The following SH2D4A variants were observed in gnomAD, a reference collection of about 807,000 sequenced individuals.
SH2D4A encodes the protein SH2 domain containing 4A.
In SH2D4A, 70 loss-of-function variants were observed where a neutral mutation model predicts 64.7. The ratio of observed to expected loss-of-function variants is 1.08; its 90% CI spans 0.89 to 1.32. The LOEUF (loss-of-function observed/expected upper bound fraction) is 1.32. Among genes scored for constraint, SH2D4A ranks in the 40% most tolerant of loss-of-function variants. The probability of loss-of-function intolerance (pLI) is 0.00; values close to 1 mark genes in which losing one functional copy is unlikely to be tolerated. For synonymous variants in SH2D4A, 268 were observed against 200.7 expected, an observed-to-expected ratio of 1.34 and a Z score of -2.83; for missense variants, 706 against 540.1, an observed-to-expected ratio of 1.31 and a Z score of -3.04.
At chr8:19,318,013 GTC>G (rs1160840679) in intron 1 of SH2D4A, among the ~76,000 whole-genome samples, 1 of 151,962 alleles carries the variant, frequency 6.6e-6, no homozygotes, top group East Asian at 1.9e-4. Context: ...GCGATCTCCT[GTC>G]TCAGCCTCTT....
At chr8:19,389,825 G>C (rs1034427138) in intron 8 of SH2D4A, among the ~76,000 whole-genome samples, 1 of 152,216 alleles carries the variant, frequency 6.6e-6, no homozygotes, top group Non-Finnish European at 1.5e-5. Context: ...AGTGAGCTGA[G>C]ATTGTGCCAC....
chr8:19,348,904 C>T (rs1473010671), intron 4 of SH2D4A, among the ~76,000 whole-genome samples: 2 of 152,106 alleles, frequency 1.3e-5, no homozygotes, highest in African/African-American at 4.8e-5. Flanking sequence ...GTGGCATTGC[C>T]TGGTTCTGAC....
chr8:19,323,236 T>C (rs1046211545), intron 2 of SH2D4A, among the ~76,000 whole-genome samples: 3 of 152,078 alleles, frequency 2.0e-5, no homozygotes, highest in African/African-American at 7.2e-5. Context: ...AGGTGTGCTA[T>C]ACATGTAAAC....
intron 1 of SH2D4A, 115 bp downstream of exon 1, chr8:19,313,938 G>C (rs561269802): frequency 5.5e-6 from 7 of 1,282,588 alleles, no homozygotes; most frequent in African/African-American, 3.1e-5. Context: ...GGGCCAGAGC[G>C]GGCGGGCGGA....
chr8:19,350,892 A>G (rs1286279460), intron 4 of SH2D4A, among the ~76,000 whole-genome samples: 1 of 152,184 alleles, frequency 6.6e-6, no homozygotes, highest in Non-Finnish European at 1.5e-5. Flanking sequence ...GCTTGGAACA[A>G]TATTAGAAAA....
rs578057213 is a variant in SH2D4A at position 19,360,309 on chromosome 8, T to TC, written c.595-894_595-893insC. Among the ~76,000 whole-genome samples, 1,276 of 151,878 alleles carry TC rather than the reference T, an allele frequency of 8.4e-3. 12 individuals carry two copies. The highest frequency in any genetic ancestry group is 0.029 in the African/African-American group (1,205 of 41,408). ...AATATTTTTCTGTTTTTTTTTTTTT[T>TC]TGAAACAAAAAAATACATATTCTGG... On this transcript the variant is annotated intron_variant, in intron 5 of 9. Transcript: ENST00000265807.
chr8:19,361,327 A>C lies in SH2D4A; in HGVS notation c.706+13A>C. On this transcript the variant is annotated intron_variant, in intron 6 of 9. Transcript: ENST00000265807. ...TGGCAGGCATCTCGTGAGTACCCAGAGGTCTCCATAGCACCTTCCAGGCTC... is the reference window on the plus strand; with the variant it reads ...TGGCAGGCATCTCGTGAGTACCCAGCGGTCTCCATAGCACCTTCCAGGCTC... 1 of 1,595,976 alleles carries C rather than the reference A, an allele frequency of 6.3e-7. No homozygotes were observed. The highest frequency in any genetic ancestry group is 1.2e-5 in the South Asian group (1 of 86,650).
intron 6 of SH2D4A, among the ~76,000 whole-genome samples, chr8:19,361,557 G>C (rs972279954): frequency 3.4e-5 from 5 of 148,326 alleles, no homozygotes; most frequent in African/African-American, 1.3e-4. Flanking sequence ...CAAATAGCAT[G>C]ATATATAGCT....
chr8:19,350,302 G>A (rs571438207), intron 4 of SH2D4A, among the ~76,000 whole-genome samples: 1 of 152,294 alleles, frequency 6.6e-6, no homozygotes, highest in Admixed American at 6.5e-5. Flanking sequence ...CTGCATCACT[G>A]CATTTTTCAA....
At chr8:19,342,994 T>C (rs1294453949) in intron 4 of SH2D4A, among the ~76,000 whole-genome samples, 1 of 152,200 alleles carries the variant, frequency 6.6e-6, no homozygotes, top group Non-Finnish European at 1.5e-5. Flanking sequence ...CTTCCGTCTC[T>C]GTGTGCCTTA....
In SH2D4A at chr8:19,393,378, TTCTCATCC is replaced by T. The variant is rs777412532; in HGVS notation, c.1110_1117del (p.Phe370LeufsTer4). On this transcript the variant is annotated frameshift_variant, in exon 9 of 10. Coordinates refer to ENST00000265807, the MANE Select transcript of SH2D4A (RefSeq NM_022071.4). LOFTEE classifies it high-confidence loss of function. ...CTGAGCACAGGCATGCCCGGCAGTT[TTCTCATCC>T]GAGTCAGTGAAAGGATCAAAGGCTA... 4.3e-6 allele frequency: 7 copies of T among 1,614,094 alleles called. No individual in the cohort carries two copies. The highest frequency in any genetic ancestry group is 5.9e-6 in the Non-Finnish European group (7 of 1,180,046).
intron 4 of SH2D4A, 124 bp from the exon 5 acceptor site, chr8:19,357,079 C>G: frequency 2.7e-6 from 2 of 734,476 alleles, no homozygotes; most frequent in South Asian, 3.4e-5. Flanking sequence ...CAGTGGGAGC[C>G]TTGGGTGGAT....
chr8:19,359,982 C>T (rs1334673177), intron 5 of SH2D4A, among the ~76,000 whole-genome samples: 1 of 152,202 alleles, frequency 6.6e-6, no homozygotes, highest in African/African-American at 2.4e-5. Flanking sequence ...GCTTAGCTAA[C>T]CAAGGCTTTT....
At chr8:19,351,557 C>T (rs1021600702) in intron 4 of SH2D4A, among the ~76,000 whole-genome samples, 9 of 151,796 alleles carry the variant, frequency 5.9e-5, no homozygotes, top group Non-Finnish European at 2.9e-5. Flanking sequence ...GAGCTGAGAT[C>T]GCACCACTGT....
intron 8 of SH2D4A, among the ~76,000 whole-genome samples, chr8:19,380,205 G>T (rs2053268950): frequency 6.6e-6 from 1 of 152,122 alleles, no homozygotes; most frequent in East Asian, 1.9e-4. Context: ...TGAACTCTTT[G>T]CCCAGTTTTG....
intron 4 of SH2D4A, among the ~76,000 whole-genome samples, chr8:19,356,489 G>A (rs538240844): frequency 6.6e-6 from 1 of 152,176 alleles, no homozygotes; most frequent in African/African-American, 2.4e-5. Context: ...CTTAGCTTAG[G>A]CTCTGCACTC....
chr8:19,357,310 G>T (rs1563199579), intron 5 of SH2D4A, 27 bp downstream of exon 5: 1 of 1,509,014 alleles, frequency 6.6e-7, no homozygotes. Flanking sequence ...CTGTCCTCCG[G>T]GGGCTGCATA....
At chr8:19,383,393 G>A (rs76165574) in intron 8 of SH2D4A, among the ~76,000 whole-genome samples, 3 of 141,648 alleles carry the variant, frequency 2.1e-5, no homozygotes, top group Non-Finnish European at 4.7e-5. Flanking sequence ...TTTGTTCTTG[G>A]TTTTTTTTTT....
At chr8:19,315,948 T>G (rs970491903) in intron 1 of SH2D4A, among the ~76,000 whole-genome samples, 45 of 152,310 alleles carry the variant, frequency 3.0e-4, no homozygotes, top group African/African-American at 1.1e-3. Flanking sequence ...ATGAGGAAAC[T>G]GAGTCCCAAG....
Sources: gnomAD v4.1 joint callset for allele counts (sites outside exome capture counted in the v4.1 genomes callset) on GRCh38, gnomAD v4.1.1 for gene constraint, MANE v1.5 for transcripts, NCBI Gene and HGNC (gene_info 2026-07-23, HGNC 2026-07-21) for gene names.